Variants in CAMTA1 observed in about 807,000 individuals in gnomAD.
The protein encoded by CAMTA1 is calmodulin binding transcription activator 1.
A neutral mutation model predicts 170.9 loss-of-function variants in CAMTA1; 27 were observed. The observed-to-expected ratio is 0.16, with a 90% CI of 0.12 to 0.22. The LOEUF is 0.22. CAMTA1 is among the 10% of genes least tolerant of loss of function. The probability of loss-of-function intolerance (pLI) is 1.00; values close to 1 mark genes in which losing one functional copy is unlikely to be tolerated. For synonymous variants in CAMTA1, 833 were observed against 891.5 expected (o/e 0.93, Z 1.17); for missense variants, 1,619 against 2,217.2 (o/e 0.73, Z 5.42).
intron 4 of CAMTA1, among the ~76,000 whole-genome samples, chr1:7,156,135 A>G (rs1055837892): frequency 1.3e-5 from 2 of 151,438 alleles, no homozygotes; most frequent in African/African-American, 4.8e-5. Flanking sequence ...AAAAATAGCC[A>G]GATGTGGTGG....
chr1:7,134,173 A>G (rs113684878), intron 4 of CAMTA1, among the ~76,000 whole-genome samples: 2,453 of 152,334 alleles, frequency 0.016, 68 homozygotes, highest in African/African-American at 0.057. Flanking sequence ...TTCCTGCATT[A>G]ATTCACATAG....
chr1:7,460,528 C>T (rs903224685), intron 5 of CAMTA1, among the ~76,000 whole-genome samples: 7 of 152,230 alleles, frequency 4.6e-5, no homozygotes, highest in African/African-American at 1.2e-4. Context: ...TGGTCCCACA[C>T]GTTCCTTGGA....
intron 3 of CAMTA1, among the ~76,000 whole-genome samples, chr1:6,847,573 C>G (rs1389650350): frequency 6.6e-6 from 1 of 151,806 alleles, no homozygotes; most frequent in Non-Finnish European, 1.5e-5. Context: ...GAGTCTTACC[C>G]TGTCACCCAA....
At chr1:7,560,579 A>G (rs1388567671) in intron 6 of CAMTA1, among the ~76,000 whole-genome samples, 2 of 152,236 alleles carry the variant, frequency 1.3e-5, no homozygotes, top group African/African-American at 2.4e-5. Flanking sequence ...AAAGCCAGCC[A>G]TTAGGTCCTC....
Position 7,738,104 on chromosome 1 carries a change from A to G in CAMTA1, c.3804A>G (p.Glu1268=), listed in dbSNP as rs2096784718. ...TGCTTCCCACTGCACTGAGTCTGGA[A>G]GAGCCAAATATCAGGAAGCAAAGCC... ...EKLLPTALSL[E]EPNIRKQSPS... is the part of the protein sequence containing the mutation. Residue 1268 remains glutamate, a synonymous_variant, in exon 16 of 23, where the codon GAA becomes GAG. Transcript: ENST00000303635. This position sits in a 1 kb window ranked among gnomAD's most constrained non-coding sequence, Gnocchi z 4.9. 6.2e-7 allele frequency: 1 copy of G among 1,614,184 alleles called. No individual in the cohort carries two copies.
chr1:7,002,698 C>T (rs1698410297), intron 3 of CAMTA1, among the ~76,000 whole-genome samples: 1 of 152,336 alleles, frequency 6.6e-6, no homozygotes, highest in East Asian at 1.9e-4. Flanking sequence ...CTTGATTGTA[C>T]TACCATCTAG....
At chr1:7,705,283 G>C (rs1450390086) in intron 11 of CAMTA1, among the ~76,000 whole-genome samples, 1 of 151,088 alleles carries the variant, frequency 6.6e-6, no homozygotes, top group East Asian at 2.0e-4. Flanking sequence ...GGAGACACGC[G>C]TGTCCATGCC....
At chr1:7,382,936 G>A (rs1463978327) in intron 5 of CAMTA1, among the ~76,000 whole-genome samples, 1 of 152,148 alleles carries the variant, frequency 6.6e-6, no homozygotes, top group African/African-American at 2.4e-5. Flanking sequence ...TTTTGCCAAT[G>A]AGTTCATTTA....
chr1:7,247,539 A>G (rs1382138081), intron 4 of CAMTA1, among the ~76,000 whole-genome samples: 1 of 152,224 alleles, frequency 6.6e-6, no homozygotes, highest in Non-Finnish European at 1.5e-5. Flanking sequence ...CTCCAGTCAC[A>G]GAAAACCCAT....
At chr1:6,963,309 C>G (rs528225972) in intron 3 of CAMTA1, among the ~76,000 whole-genome samples, 1 of 98,234 alleles carries the variant, frequency 1.0e-5, no homozygotes, top group Non-Finnish European at 2.2e-5. Context: ...CGGCCTTGCC[C>G]TGTGACTGGC....
chr1:7,150,615 G>A (rs907968399), intron 4 of CAMTA1, among the ~76,000 whole-genome samples: 6 of 151,982 alleles, frequency 3.9e-5, no homozygotes, highest in Non-Finnish European at 5.9e-5. Flanking sequence ...TCCAGGCTTT[G>A]CCCAGTTCCC....
At chr1:7,343,606 A>G (rs1008297815) in intron 5 of CAMTA1, among the ~76,000 whole-genome samples, 7 of 152,166 alleles carry the variant, frequency 4.6e-5, no homozygotes, top group African/African-American at 1.7e-4. Context: ...TTACCAATTA[A>G]CTGTGTCTGC....
chr1:6,818,898 C>T (rs11577580), intron 1 of CAMTA1, among the ~76,000 whole-genome samples: 3,453 of 151,482 alleles, frequency 0.023, 64 homozygotes, highest in Admixed American at 0.045. Flanking sequence ...GCATTGGCTC[C>T]GCAAAGTGTT....
intron 6 of CAMTA1, among the ~76,000 whole-genome samples, chr1:7,586,934 C>T (rs1576249760): frequency 6.6e-6 from 1 of 151,944 alleles, no homozygotes; most frequent in African/African-American, 2.4e-5. Flanking sequence ...AGGGGTTGTG[C>T]CACTCAAGAG....
chr1:6,927,806 C>T (rs2149358165), intron 3 of CAMTA1, among the ~76,000 whole-genome samples: 1 of 152,350 alleles, frequency 6.6e-6, no homozygotes. Flanking sequence ...TGTGAGTTAG[C>T]AGAGGCTCCT....
chr1:7,009,974 C>T (rs192501444), intron 3 of CAMTA1, among the ~76,000 whole-genome samples: 16 of 152,324 alleles, frequency 1.1e-4, no homozygotes, highest in South Asian at 6.2e-4. Flanking sequence ...AGCACCATCC[C>T]TTGGAGGTGT....
chr1:7,702,352 C>CA lies in CAMTA1; in HGVS notation c.2914+24621dup, dbSNP rs540540270. 3.6e-4 allele frequency among the ~76,000 whole-genome samples: 55 copies of CA among 151,386 alleles called. No individual in the cohort carries two copies. The Middle Eastern group carries it at 0.01, about 28-fold the overall frequency. On this transcript the variant is annotated intron_variant, in intron 11 of 22. Coordinates refer to ENST00000303635, the MANE Select transcript of CAMTA1 (RefSeq NM_015215.4). ...CTGCCAAAACAAACAAACAAACAAA[C>CA]AACAACAACAGGAAAAAGAACTTCC... is the stretch of plus-strand genomic sequence containing the variant.
At chr1:7,148,604 G>A (rs1355855668) in intron 4 of CAMTA1, among the ~76,000 whole-genome samples, 1 of 152,156 alleles carries the variant, frequency 6.6e-6, no homozygotes, top group Non-Finnish European at 1.5e-5. Context: ...GAGCACCAAG[G>A]CCCTCCCATT....
intron 3 of CAMTA1, among the ~76,000 whole-genome samples, chr1:6,987,573 C>T (rs1328085774): frequency 6.6e-6 from 1 of 152,202 alleles, no homozygotes; most frequent in Non-Finnish European, 1.5e-5. Context: ...AACCATTTGG[C>T]AGGTGATCTG....
Sources: gnomAD v4.1 joint callset for allele counts (sites outside exome capture counted in the v4.1 genomes callset) on GRCh38, gnomAD v4.1.1 for gene constraint, Gnocchi (gnomAD v3.1) non-coding constraint, MANE v1.5 for transcripts, NCBI Gene and HGNC (gene_info 2026-07-23, HGNC 2026-07-21) for gene names.